EPB41L2: variants seen among roughly 807,000 people sequenced by gnomAD.
The protein encoded by EPB41L2 is band 4.1-like protein 2.
In EPB41L2, 43 loss-of-function variants were observed where a neutral mutation model predicts 113.0. The ratio of observed to expected loss-of-function variants is 0.38; its 90% CI spans 0.30 to 0.49. The LOEUF is 0.49. EPB41L2 is among the 20% of genes least tolerant of loss of function. The probability of loss-of-function intolerance (pLI) is 0.95; values close to 1 mark genes in which losing one functional copy is unlikely to be tolerated. For synonymous variants in EPB41L2, 442 were observed against 436.7 expected (o/e 1.01, Z -0.15); for missense variants, 1,147 against 1,223.4 (o/e 0.94, Z 0.93).
chr6:131,020,097 TA>T (rs1435704916), intron 1 of EPB41L2, among the ~76,000 whole-genome samples: 2 of 152,160 alleles, frequency 1.3e-5, no homozygotes, highest in African/African-American at 4.8e-5. Flanking sequence ...TAGATGTATA[TA>T]TTTATATTGT....
intron 1 of EPB41L2, among the ~76,000 whole-genome samples, chr6:131,053,792 G>A (rs1317656567): frequency 6.6e-6 from 1 of 152,244 alleles, no homozygotes; most frequent in Non-Finnish European, 1.5e-5. Flanking sequence ...GGTATACTGA[G>A]TTGATCATAA....
intron 18 of EPB41L2, among the ~76,000 whole-genome samples, chr6:130,859,253 G>A (rs1781251905): frequency 6.6e-6 from 1 of 152,174 alleles, no homozygotes; most frequent in Non-Finnish European, 1.5e-5. Context: ...CAGGCGTGGT[G>A]GCTCAGGCCT....
At chr6:130,944,069 T>G (rs1811835792) in intron 3 of EPB41L2, among the ~76,000 whole-genome samples, 1 of 151,866 alleles carries the variant, frequency 6.6e-6, no homozygotes, top group Admixed American at 6.6e-5. Context: ...ATATAACAAG[T>G]CGGTCTGCTG....
At chr6:130,856,783 T>A (rs1178017015) in intron 19 of EPB41L2, among the ~76,000 whole-genome samples, 1 of 152,188 alleles carries the variant, frequency 6.6e-6, no homozygotes, top group African/African-American at 2.4e-5. Context: ...AAAGCCCTAA[T>A]AGATAATTAT....
intron 1 of EPB41L2, among the ~76,000 whole-genome samples, chr6:131,028,516 A>T (rs1791360868): frequency 6.6e-6 from 1 of 152,198 alleles, no homozygotes. Flanking sequence ...TATATGATAA[A>T]TCATTAAATC....
chr6:130,891,019 C>T (rs1265791278), intron 10 of EPB41L2, among the ~76,000 whole-genome samples: 1 of 152,164 alleles, frequency 6.6e-6, no homozygotes, highest in Non-Finnish European at 1.5e-5. Context: ...TGAAATCAAA[C>T]TTTCTTGATG....
rs1225090983 is a variant in EPB41L2, at chr6:130,890,197, G to GTAT, written c.1660+94_1660+96dup. 3.1e-6 allele frequency: 4 copies of GTAT among 1,295,526 alleles called. No homozygotes were observed. In the East Asian group the frequency reaches 9.7e-5, roughly 31 times the overall value. 80.3% of individuals were successfully genotyped at this position (1,295,526 alleles called of 1,614,324 possible). A position where few individuals can be genotyped will look rare whatever the true frequency, so the allele number is the denominator to read the frequency against. On this transcript the variant is annotated intron_variant, in intron 11 of 19. Transcript: ENST00000337057. ...GGGAAAAAATGGCTATCCCTGTAGG[G>GTAT]TATTTCTGGTGGCTTTATTAACTGG...
chr6:131,002,948 CA>C (rs1169159281), intron 1 of EPB41L2, among the ~76,000 whole-genome samples: 2 of 152,116 alleles, frequency 1.3e-5, no homozygotes, highest in African/African-American at 4.8e-5. Context: ...TAAAGTAAAA[CA>C]GGCAGAATGG....
At chr6:130,871,032 A>C (rs908909051) in intron 14 of EPB41L2, among the ~76,000 whole-genome samples, 2 of 152,114 alleles carry the variant, frequency 1.3e-5, no homozygotes, top group African/African-American at 4.8e-5. Context: ...TTGAAATCTA[A>C]ACTCAGTCAA....
chr6:130,980,589 A>G (rs763150605), intron 1 of EPB41L2, among the ~76,000 whole-genome samples: 4 of 152,124 alleles, frequency 2.6e-5, no homozygotes, highest in Non-Finnish European at 5.9e-5. Context: ...GGGTGGATCT[A>G]ACAACTTTGG....
chr6:130,998,395 C>T (rs1216478565), intron 1 of EPB41L2, among the ~76,000 whole-genome samples: 2 of 152,132 alleles, frequency 1.3e-5, no homozygotes, highest in Admixed American at 6.5e-5. Context: ...AATTGGGATA[C>T]ACCCACCCAA....
At chr6:131,017,519 T>A (rs150432162) in intron 1 of EPB41L2, among the ~76,000 whole-genome samples, 2 of 152,366 alleles carry the variant, frequency 1.3e-5, no homozygotes, top group African/African-American at 4.8e-5. Context: ...TGTAGCTCTA[T>A]GTAGTTCATA....
intron 3 of EPB41L2, among the ~76,000 whole-genome samples, chr6:130,946,934 C>T (rs1178788786): frequency 1.3e-5 from 2 of 151,600 alleles, no homozygotes; most frequent in Non-Finnish European, 2.9e-5. Flanking sequence ...CCTAACATAC[C>T]CAATGTTCTA....
chr6:130,911,835 C>G (rs1799497024), intron 4 of EPB41L2, among the ~76,000 whole-genome samples: 1 of 152,118 alleles, frequency 6.6e-6, no homozygotes, highest in Non-Finnish European at 1.5e-5. Context: ...TAAACTAATT[C>G]AAATAAATGA....
intron 19 of EPB41L2, among the ~76,000 whole-genome samples, chr6:130,857,340 C>T (rs1435314268): frequency 6.6e-6 from 1 of 152,064 alleles, no homozygotes; most frequent in African/African-American, 2.4e-5. Flanking sequence ...ATTCTCTGCC[C>T]ATTTTTCTAC....
intron 1 of EPB41L2, among the ~76,000 whole-genome samples, chr6:130,964,107 C>T (rs1249473695): frequency 6.6e-6 from 1 of 151,994 alleles, no homozygotes; most frequent in Non-Finnish European, 1.5e-5. Context: ...CTGCAATCTC[C>T]GCCTGCCGGG....
chr6:131,022,423 C>A (rs1003484695), intron 1 of EPB41L2, among the ~76,000 whole-genome samples: 6 of 152,138 alleles, frequency 3.9e-5, no homozygotes, highest in Admixed American at 1.3e-4. Flanking sequence ...ATATAGATAA[C>A]CCTCCACCAG....
chr6:130,889,197 C>T (rs1791999572), intron 11 of EPB41L2, among the ~76,000 whole-genome samples: 1 of 151,508 alleles, frequency 6.6e-6, no homozygotes, highest in Non-Finnish European at 1.5e-5. Context: ...GTTCAATCAA[C>T]CAAAAATGTT....
chr6:130,899,724 C>T, intron 7 of EPB41L2, 146 bp from the exon 8 acceptor site: 1 of 664,526 alleles, frequency 1.5e-6, no homozygotes, highest in Non-Finnish European at 2.6e-6. Context: ...GGTAAGAAAA[C>T]AACTCTCAAC....
Sources: gnomAD v4.1 joint callset for allele counts (sites outside exome capture counted in the v4.1 genomes callset) on GRCh38, gnomAD v4.1.1 for gene constraint, MANE v1.5 for transcripts, NCBI Gene and HGNC (gene_info 2026-07-23, HGNC 2026-07-21) for gene names.